Variants in LRPPRC observed in about 807,000 individuals in gnomAD.
The protein encoded by LRPPRC is leucine-rich PPR motif-containing protein, mitochondrial.
LRPPRC carries 120 observed loss-of-function variants against 180.3 expected under a neutral mutation model. The ratio of observed to expected loss-of-function variants is 0.67; its 90% CI spans 0.57 to 0.77. The LOEUF is 0.77. Ranked by LOEUF, LRPPRC falls within the 30% of genes least tolerant of loss-of-function variation. LRPPRC has a pLI of 0.00. For missense variants in LRPPRC, 2,012 were observed against 1,657.2 expected (o/e 1.21, Z -3.72); for synonymous variants, 723 against 600.0 (o/e 1.21, Z -3.00).
At chr2:43,962,318 T>C (rs567353840) in intron 12 of LRPPRC, among the ~76,000 whole-genome samples, 1 of 152,316 alleles carries the variant, frequency 6.6e-6, no homozygotes, top group African/African-American at 2.4e-5. Flanking sequence ...CATACTCCAC[T>C]AAGAACTTAG....
chr2:43,986,922 C>T (rs1223196177), intron 1 of LRPPRC, among the ~76,000 whole-genome samples: 2 of 152,154 alleles, frequency 1.3e-5, no homozygotes, highest in Non-Finnish European at 2.9e-5. Context: ...TTCATAGAGC[C>T]GCTCTCTCAA....
rs920113521 is a variant in LRPPRC, at chr2:43,934,200, T to C, written c.2726A>G (p.Lys909Arg). 1 of 1,585,932 alleles carries C rather than the reference T, an allele frequency of 6.3e-7. No individual in the cohort carries two copies. Among genetic ancestry groups the C allele is most frequent in the Non-Finnish European group, 8.7e-7 (1 of 1,154,868 alleles). ...TAGTTAAAATCACACCTCAATGATC[T>C]TCTTGGCCTCTTTGTAATTTCCTGT... Reference protein sequence around the residue: ...LQTGNYKEAKKIIETPGIRAR... With the variant: ...LQTGNYKEAKRIIETPGIRAR... The change falls in exon 25 of 38, where the codon AAG (lysine) becomes AGG (arginine). Residue 909 changes from lysine (K) to arginine (R), a missense_variant. By Grantham distance (26) the Lys-to-Arg change is conservative. Coordinates refer to ENST00000260665, the MANE Select transcript of LRPPRC (RefSeq NM_133259.4).
At chr2:43,934,925 C>T (rs1421523711) in intron 23 of LRPPRC, 47 bp from the exon 24 acceptor site, 7 of 1,500,298 alleles carry the variant, frequency 4.7e-6, no homozygotes, top group Non-Finnish European at 5.6e-6. Context: ...TCGAATTCAG[C>T]TTAGTCTCTT....
At chr2:43,918,451 C>G (rs1459623820) in intron 27 of LRPPRC, 53 bp from the exon 28 acceptor site, 1 of 1,250,268 alleles carries the variant, frequency 8.0e-7, no homozygotes, top group Non-Finnish European at 1.2e-6. Flanking sequence ...AAACAGAATA[C>G]ACAAAAATAT....
intron 31 of LRPPRC, chr2:43,902,927 A>C (rs987684493): frequency 6.6e-6 from 1 of 152,200 alleles, no homozygotes; most frequent in East Asian, 1.9e-4. Flanking sequence ...AGCAGTTTAA[A>C]CAGCTACTGT....
chr2:43,992,197 CCTGA>C (rs1339595223), intron 1 of LRPPRC, among the ~76,000 whole-genome samples: 1 of 152,080 alleles, frequency 6.6e-6, no homozygotes, highest in African/African-American at 2.4e-5. Flanking sequence ...ATGGGGGACA[CCTGA>C]CTAAGGGGGA....
In LRPPRC at chr2:43,894,597, A is replaced by T; in HGVS notation, c.3933T>A (p.Ile1311=). The change falls in exon 36 of 38, where the codon ATT becomes ATA. Residue 1311 remains isoleucine (I), a synonymous_variant. Transcript: ENST00000260665. ...CTTCTTCCTTTTCATTTAATTCAGG[A>T]ATCAATTCTAACACAGATTTCACAG... The part of the protein sequence containing the change: ...ASTVKSVLEL[I]PELNEKEEAY... The T allele has an allele frequency of 6.3e-7, 1 of 1,582,580 alleles. No individual in the cohort carries two copies. Among genetic ancestry groups the T allele is most frequent in the Non-Finnish European group, 8.7e-7 (1 of 1,151,586 alleles).
chr2:43,954,657 A>G (rs1022181030), intron 14 of LRPPRC, among the ~76,000 whole-genome samples: 1 of 152,192 alleles, frequency 6.6e-6, no homozygotes, highest in African/African-American at 2.4e-5. Context: ...TATATAATAT[A>G]TATGTACACA....
intron 23 of LRPPRC, among the ~76,000 whole-genome samples, chr2:43,939,348 A>T (rs1047257684): frequency 6.6e-6 from 1 of 151,912 alleles, no homozygotes; most frequent in Non-Finnish European, 1.5e-5. Flanking sequence ...ACAAATATTG[A>T]TTTTTTTTAT....
At chr2:43,936,239 G>C (rs1190790717) in intron 23 of LRPPRC, among the ~76,000 whole-genome samples, 1 of 152,132 alleles carries the variant, frequency 6.6e-6, no homozygotes, top group Non-Finnish European at 1.5e-5. Context: ...GAAGGTACTA[G>C]GTAAGCAAGT....
intron 23 of LRPPRC, among the ~76,000 whole-genome samples, chr2:43,935,520 A>C (rs1356325445): frequency 1.3e-5 from 2 of 152,202 alleles, no homozygotes; most frequent in East Asian, 3.8e-4. Context: ...TTTTTCATTA[A>C]AGGGTAAGCT....
intron 1 of LRPPRC, among the ~76,000 whole-genome samples, chr2:43,988,468 A>G (rs1355418463): frequency 1.3e-5 from 2 of 152,068 alleles, no homozygotes; most frequent in African/African-American, 4.8e-5. Context: ...CCTGGGAGGC[A>G]GAGGTTGCAG....
At chr2:43,950,809 T>A (rs4245798) in intron 14 of LRPPRC, among the ~76,000 whole-genome samples, 1 of 152,040 alleles carries the variant, frequency 6.6e-6, no homozygotes, top group African/African-American at 2.4e-5. Flanking sequence ...GTGGCTCACA[T>A]CTGCAATCCC....
At chr2:43,993,485 TA>T in intron 1 of LRPPRC, among the ~76,000 whole-genome samples, 1 of 152,022 alleles carries the variant, frequency 6.6e-6, no homozygotes, top group Admixed American at 6.5e-5. Flanking sequence ...GTGATGAAAT[TA>T]AAGGGACAGA....
chr2:43,946,043 C>T, intron 21 of LRPPRC, 70 bp downstream of exon 21: 5 of 1,457,420 alleles, frequency 3.4e-6, no homozygotes, highest in Non-Finnish European at 4.8e-6. Context: ...AATATTCCAT[C>T]TAGATAATCT....
chr2:43,949,119 TAA>T (rs1276464715), intron 16 of LRPPRC, among the ~76,000 whole-genome samples: 1 of 152,164 alleles, frequency 6.6e-6, no homozygotes, highest in Non-Finnish European at 1.5e-5. Flanking sequence ...GATAGAAATG[TAA>T]ACTTTCAAGA....
At chr2:43,972,771 CTTTT>C (rs971037157) in intron 11 of LRPPRC, among the ~76,000 whole-genome samples, 2 of 152,090 alleles carry the variant, frequency 1.3e-5, no homozygotes, top group African/African-American at 4.8e-5. Flanking sequence ...GCTAAAAGCA[CTTTT>C]TTTGTTGTTT....
chr2:43,897,993 T>C (rs1448039668), intron 34 of LRPPRC, among the ~76,000 whole-genome samples: 1 of 151,018 alleles, frequency 6.6e-6, no homozygotes, highest in Non-Finnish European at 1.5e-5. Context: ...TCTTTTTTTT[T>C]TCACCACGTA....
At chr2:43,953,991 G>A (rs932631180) in intron 14 of LRPPRC, among the ~76,000 whole-genome samples, 1 of 152,114 alleles carries the variant, frequency 6.6e-6, no homozygotes, top group African/African-American at 2.4e-5. Context: ...GCAATACAGC[G>A]AGACCTCATC....
Sources: gnomAD v4.1 joint callset for allele counts (sites outside exome capture counted in the v4.1 genomes callset) on GRCh38, gnomAD v4.1.1 for gene constraint, MANE v1.5 for transcripts, NCBI Gene and HGNC (gene_info 2026-07-23, HGNC 2026-07-21) for gene names.